SPRY3: variants seen among roughly 807,000 people sequenced by gnomAD.
SPRY3 encodes sprouty RTK signaling antagonist 3.
Under a neutral mutation model 20.2 loss-of-function variants are expected in SPRY3, and 15 were observed. That is an observed-to-expected ratio of 0.74 (90% confidence interval 0.50 to 1.14). SPRY3 has a LOEUF of 1.14. Ranked by LOEUF, SPRY3 falls within the 50% of genes most tolerant of loss-of-function variation. SPRY3 has a pLI of 0.00. For missense variants in SPRY3, 364 were observed against 363.9 expected (o/e 1.00, Z 0.00); for synonymous variants, 143 against 136.5 (o/e 1.05, Z -0.33).
chrX:155,713,556 A>G (rs1039546857), intron 2 of SPRY3, among the ~76,000 whole-genome samples: 9 of 152,150 alleles, frequency 5.9e-5, no homozygotes, highest in Non-Finnish European at 1.2e-4. Flanking sequence ...TTCCACTGAA[A>G]AGTCTGCTGC....
intron 2 of SPRY3, among the ~76,000 whole-genome samples, chrX:155,673,921 A>G (rs1557355043): frequency 1.8e-5 from 2 of 111,389 alleles, no homozygotes; most frequent in African/African-American, 6.5e-5. Flanking sequence ...CTCTAAGTCA[A>G]ATTCCACAGT....
intron 2 of SPRY3, 43 bp from the exon 2 acceptor site, chrX:155,767,919 G>C (rs866003441): frequency 1.6e-5 from 2 of 127,892 alleles, no homozygotes; most frequent in Non-Finnish European, 3.8e-5. Flanking sequence ...GTTTTGTTTT[G>C]TTTTGTTTTG....
chrX:155,752,529 A>G (rs2742288), intron 2 of SPRY3, among the ~76,000 whole-genome samples: 1 of 150,858 alleles, frequency 6.6e-6, no homozygotes, highest in Non-Finnish European at 1.5e-5. Flanking sequence ...ATATATATAT[A>G]ACTATTGATA....
chrX:155,653,516 A>G (rs2067983311), intron 1 of SPRY3, among the ~76,000 whole-genome samples: 1 of 111,731 alleles, frequency 9.0e-6, no homozygotes, highest in Non-Finnish European at 1.9e-5. Flanking sequence ...TCCCCATTGT[A>G]TGGTCTTGGC....
intron 1 of SPRY3, among the ~76,000 whole-genome samples, chrX:155,629,213 G>A (rs1173074543): frequency 1.1e-5 from 1 of 91,477 alleles, no homozygotes; most frequent in Non-Finnish European, 2.1e-5. Flanking sequence ...GTGTCCAAGT[G>A]TTCTCATTGT....
intron 2 of SPRY3, among the ~76,000 whole-genome samples, chrX:155,666,999 G>T (rs1557354385): frequency 1.8e-5 from 2 of 111,019 alleles, no homozygotes; most frequent in Admixed American, 9.6e-5. Flanking sequence ...ATAGCATGTG[G>T]TGGTCAAGTC....
At chrX:155,766,840 T>C (rs754392731) in intron 2 of SPRY3, among the ~76,000 whole-genome samples, 1 of 152,280 alleles carries the variant, frequency 6.6e-6, no homozygotes, top group Admixed American at 6.5e-5. Flanking sequence ...ATGCATGCCA[T>C]GCTAAAGGGA....
chrX:155,636,564 G>GGTATGTAT (rs200537763), intron 1 of SPRY3, among the ~76,000 whole-genome samples: 55 of 104,797 alleles, frequency 5.2e-4, no homozygotes, highest in African/African-American at 1.3e-3. Flanking sequence ...TATGTAGGTA[G>GGTATGTAT]GTATGTATGT....
At chrX:155,764,277 G>A (rs1417148512) in intron 2 of SPRY3, among the ~76,000 whole-genome samples, 1 of 152,154 alleles carries the variant, frequency 6.6e-6, no homozygotes, top group Non-Finnish European at 1.5e-5. Flanking sequence ...TATGTTTTCT[G>A]AAGAGTACAC....
At chrX:155,748,415 A>G (rs890157362) in intron 2 of SPRY3, among the ~76,000 whole-genome samples, 11 of 151,786 alleles carry the variant, frequency 7.2e-5, no homozygotes, top group African/African-American at 2.7e-4. Context: ...GAGTTTAGGG[A>G]GTGACTCTAC....
intron 2 of SPRY3, among the ~76,000 whole-genome samples, chrX:155,723,902 T>A (rs1230493776): frequency 1.3e-5 from 2 of 152,120 alleles, no homozygotes; most frequent in Non-Finnish European, 2.9e-5. Flanking sequence ...TCTTCCAGGG[T>A]TTTTAATGGT....
At chrX:155,623,135 C>T (rs1225394179) in intron 1 of SPRY3, among the ~76,000 whole-genome samples, 1 of 111,750 alleles carries the variant, frequency 8.9e-6, no homozygotes, top group African/African-American at 3.3e-5. Context: ...CCTCACAGAC[C>T]TCTAGCAACT....
At chrX:155,759,449 G>A (rs1185982717) in intron 2 of SPRY3, among the ~76,000 whole-genome samples, 1 of 151,848 alleles carries the variant, frequency 6.6e-6, no homozygotes, top group Non-Finnish European at 1.5e-5. Flanking sequence ...TTTGTCTATT[G>A]GCTAGCTTTC....
intron 2 of SPRY3, among the ~76,000 whole-genome samples, chrX:155,717,766 A>G (rs28513773): frequency 0.04 from 6,097 of 152,132 alleles, 137 homozygotes; most frequent in African/African-American, 0.055. Context: ...AGGGTATTCC[A>G]TGGTTATAAG....
chrX:155,757,485 T>C (rs306890), intron 2 of SPRY3, among the ~76,000 whole-genome samples: 40,409 of 151,982 alleles, frequency 0.27, 4,832 homozygotes, highest in South Asian at 0.4. Flanking sequence ...CGAGTACAGC[T>C]GTCTGATAGG....
intron 2 of SPRY3, among the ~76,000 whole-genome samples, chrX:155,733,034 G>A (rs1371851418): frequency 6.6e-6 from 1 of 151,930 alleles, no homozygotes; most frequent in East Asian, 1.9e-4. Context: ...GAGAGAAGGG[G>A]AATGGTTAAT....
intron 2 of SPRY3, among the ~76,000 whole-genome samples, chrX:155,673,099 G>T: frequency 1.2e-5 from 1 of 86,920 alleles, no homozygotes; most frequent in Admixed American, 1.3e-4. Context: ...AGCATTAGGA[G>T]ATATACCTAA....
chrX:155,775,181 A>G, exon 4 of SPRY3: 1 of 202,500 alleles, frequency 4.9e-6, no homozygotes. Context: ...TCAACCTTCC[A>G]GGGAATACGA....
chrX:155,638,803 G>A (rs2067932675), intron 1 of SPRY3, among the ~76,000 whole-genome samples: 1 of 111,341 alleles, frequency 9.0e-6, no homozygotes, highest in Non-Finnish European at 1.9e-5. Flanking sequence ...CTATGTTCCA[G>A]GAATATGGAC....
Sources: gnomAD v4.1 joint callset for allele counts (sites outside exome capture counted in the v4.1 genomes callset) on GRCh38, gnomAD v4.1.1 for gene constraint, MANE v1.5 for transcripts, NCBI Gene and HGNC (gene_info 2026-07-23, HGNC 2026-07-21) for gene names.